The following ZNF214 variants were observed in gnomAD, a reference collection of about 807,000 sequenced individuals.
The protein encoded by ZNF214 is BWSCR2-associated zinc finger protein 1.
In ZNF214, 43 loss-of-function variants were observed where a neutral mutation model predicts 53.9. The ratio of observed to expected loss-of-function variants is 0.80; its 90% confidence interval spans 0.63 to 1.03. ZNF214 has a LOEUF of 1.03. ZNF214 is among the 50% of genes least tolerant of loss of function. The pLI is 0.00. For synonymous variants in ZNF214, 217 were observed against 229.5 expected (o/e 0.95, Z 0.49); for missense variants, 724 against 719.1 (o/e 1.01, Z -0.08).
At position 6,999,984 on chromosome 11, in the gene ZNF214, A is replaced by G; in HGVS notation, c.1699T>C (p.Ser567Pro). 6.2e-7 allele frequency: 1 copy of G among 1,613,322 alleles called. No homozygotes were observed. Residue 567 changes from serine (S) to proline (P), a missense_variant, in exon 3 of 3, where the codon TCA becomes CCA. Ser to Pro is a moderately conservative substitution (Grantham distance 74). Coordinates refer to ENST00000278314, the MANE Select transcript of ZNF214 (RefSeq NM_013249.4). ...AKCGKGFSHS[S>P]ALRIHQRVHA... Reference sequence around the variant, plus strand: ...ACTCTTTGATGAATTCGAAGAGCTGAGCTATGACTGAAACCTTTACCACAC... The same window carrying G: ...ACTCTTTGATGAATTCGAAGAGCTGGGCTATGACTGAAACCTTTACCACAC...
rs2252765 is a variant in ZNF214 at position 6,999,689 on chromosome 11, T to A, written c.*173A>T. 0.28 allele frequency: 169,884 copies of A among 616,424 alleles called. 24,656 individuals are homozygous for A. Among genetic ancestry groups the A allele is most frequent in the Admixed American group, 0.31 (9,202 of 29,236 alleles). 38.2% of individuals were successfully genotyped at this position (616,424 alleles called of 1,614,324 possible). ...ACACTATAATTTTAAATATATAGGG[T>A]TTTTTCTAAAGATCTCCTTTTGAAG... On this transcript the variant is annotated 3_prime_UTR_variant, in exon 3 of 3. Transcript: ENST00000278314.
chr11:7,003,177 T>C (rs759084907), intron 1 of ZNF214, among the ~76,000 whole-genome samples: 12 of 152,032 alleles, frequency 7.9e-5, no homozygotes, highest in Non-Finnish European at 1.5e-4. Context: ...CAGATAAATA[T>C]ATGTATTAAA....
In ZNF214 at chr11:7,000,855, T is replaced by C. The variant is rs1851323729; in HGVS notation, c.828A>G (p.Gly276=). ...PRNHIGKKLY[G]CDEVDGNFHQ... Reference sequence around the variant, plus strand: ...GAAAGTTACCGTCAACTTCATCACATCCGTACAGCTTCTTACCTATGTGGT... The same window carrying C: ...GAAAGTTACCGTCAACTTCATCACACCCGTACAGCTTCTTACCTATGTGGT... Residue 276 remains glycine, a synonymous_variant, in exon 3 of 3, where the codon GGA becomes GGG. Transcript: ENST00000278314. The C allele has an allele frequency of 6.2e-7, 1 of 1,612,876 alleles. No homozygotes were observed. The highest frequency in any genetic ancestry group is 8.5e-7 in the Non-Finnish European group (1 of 1,179,494).
chr11:7,007,918 C>A (rs1851512060), intron 1 of ZNF214, among the ~76,000 whole-genome samples: 1 of 151,876 alleles, frequency 6.6e-6, no homozygotes, highest in Non-Finnish European at 1.5e-5. Context: ...AATACATTAT[C>A]TAGCTACAAT....
In ZNF214 at chr11:7,000,717, T is replaced by C; in HGVS notation, c.966A>G (p.Gln322=). The change falls in exon 3 of 3, where the codon CAA becomes CAG. Residue 322 remains glutamine (Q), a synonymous_variant. Coordinates refer to ENST00000278314, the MANE Select transcript of ZNF214 (RefSeq NM_013249.4). ...AGAATTTCTCTTCTGTGTGGACTCT[T>C]TGATGATTGTGAAGACTAGAGATCT... is the stretch of plus-strand genomic sequence containing the variant. ...FSQISSLHNH[Q]RVHTEEKFYK... The C allele has an allele frequency of 6.2e-7, 1 of 1,610,030 alleles. No individual in the cohort carries two copies. Among genetic ancestry groups the C allele is most frequent in the South Asian group, 1.1e-5 (1 of 90,794 alleles).
Position 7,018,848 on chromosome 11 carries a change from A to G in ZNF214, c.-21+1225T>C, listed in dbSNP as rs149814137. Among the ~76,000 whole-genome samples the G allele has an allele frequency of 4.9e-4, 74 of 152,280 alleles. No homozygotes were observed. In the East Asian group the frequency reaches 0.01, roughly 21 times the overall value. On this transcript the variant is annotated intron_variant, in intron 1 of 2. Coordinates refer to ENST00000278314, the MANE Select transcript of ZNF214 (RefSeq NM_013249.4). ...ATCTCAGAACACCAAGAACAGCATG[A>G]ATTATACACTAGACTTGAGTGACTG...
intron 1 of ZNF214, among the ~76,000 whole-genome samples, chr11:7,011,575 T>C (rs1331270789): frequency 6.6e-6 from 1 of 152,080 alleles, no homozygotes; most frequent in Non-Finnish European, 1.5e-5. Flanking sequence ...TTAAGCTTAA[T>C]GGAGAAACTT....
At chr11:7,002,976 A>T in intron 1 of ZNF214, 121 bp from the exon 2 acceptor site, 1 of 874,942 alleles carries the variant, frequency 1.1e-6, no homozygotes, top group African/African-American at 1.8e-5. Context: ...CAAGAAAGGT[A>T]AGGAGAGGTA....
At chr11:7,015,403 C>A (rs1204001552) in intron 1 of ZNF214, among the ~76,000 whole-genome samples, 13 of 152,074 alleles carry the variant, frequency 8.5e-5, no homozygotes, top group Admixed American at 8.5e-4. Context: ...CATGGTGAAA[C>A]CTTGTCTCTA....
At position 7,001,610 on chromosome 11, in the gene ZNF214, T is replaced by C. The variant is rs1035818783; in HGVS notation, c.128-55A>G. 4.4e-5 allele frequency: 67 copies of C among 1,518,542 alleles called. 1 individual carries two copies. In the South Asian group the frequency reaches 8.6e-4, roughly 19 times the overall value. The allele number at this position is 1,518,542 out of a possible 1,614,324, so 94.1% of individuals were successfully genotyped here. On this transcript the variant is annotated intron_variant, in intron 2 of 2. Transcript: ENST00000278314. ...GAGATAAAAGCTGTGTTGAAAAATTTCCAACTATCTAAATCAATGACCTTT... is the reference window on the plus strand; with the variant it reads ...GAGATAAAAGCTGTGTTGAAAAATTCCCAACTATCTAAATCAATGACCTTT...
chr11:6,998,490 T>A lies in ZNF214; in HGVS notation c.*1372A>T, dbSNP rs1490058416. On this transcript the variant is annotated 3_prime_UTR_variant, in exon 3 of 3. Coordinates refer to ENST00000278314, the MANE Select transcript of ZNF214 (RefSeq NM_013249.4). Reference sequence around the variant, plus strand: ...TTTCCATCTCATTATCCTTTTCAGATACATTTAAGATCAGATCAAGTTTAT... The same window carrying A: ...TTTCCATCTCATTATCCTTTTCAGAAACATTTAAGATCAGATCAAGTTTAT... Among the ~76,000 whole-genome samples, 1 of 152,058 alleles carries A rather than the reference T, an allele frequency of 6.6e-6. No individual in the cohort carries two copies. Among genetic ancestry groups the A allele is most frequent in the African/African-American group, 2.4e-5 (1 of 41,432 alleles).
rs1449888432 is a variant in ZNF214, at chr11:6,999,455, T to C, written c.*407A>G. 1 of 154,776 alleles carries C rather than the reference T, an allele frequency of 6.5e-6. No homozygotes were observed. Among genetic ancestry groups the C allele is most frequent in the Non-Finnish European group, 1.4e-5 (1 of 69,786 alleles). 9.6% of individuals were successfully genotyped at this position (154,776 alleles called of 1,614,324 possible). ...GAGTTTTTAGGGGAGTTAAGAGATGTCGTTTAACAGTTGGCCAACCAGTTT... is the reference window on the plus strand; with the variant it reads ...GAGTTTTTAGGGGAGTTAAGAGATGCCGTTTAACAGTTGGCCAACCAGTTT... On this transcript the variant is annotated 3_prime_UTR_variant, in exon 3 of 3. Coordinates refer to ENST00000278314, the MANE Select transcript of ZNF214 (RefSeq NM_013249.4).
At position 7,002,695 on chromosome 11, in the gene ZNF214, C is replaced by T. The variant is rs143224245; in HGVS notation, c.127+14G>A. On this transcript the variant is annotated intron_variant, in intron 2 of 2. Coordinates refer to ENST00000278314, the MANE Select transcript of ZNF214 (RefSeq NM_013249.4). Reference sequence around the variant, plus strand: ...AGAAGAAACTCTATTCCCTATGAGACGGGATAACTTTACCTACTGACATGA... The same window carrying T: ...AGAAGAAACTCTATTCCCTATGAGATGGGATAACTTTACCTACTGACATGA... 569 of 1,579,312 alleles carry T rather than the reference C, an allele frequency of 3.6e-4. 1 individual carries two copies. The highest frequency in any genetic ancestry group is 3.9e-4 in the Non-Finnish European group (454 of 1,166,404).
intron 1 of ZNF214, among the ~76,000 whole-genome samples, chr11:7,014,578 A>C (rs1294309420): frequency 6.6e-6 from 1 of 152,218 alleles, no homozygotes; most frequent in East Asian, 1.9e-4. Context: ...GCAGGAAAAA[A>C]CAATTAAGGA....
In ZNF214 at chr11:6,997,954, A is replaced by G. The variant is rs776561934; in HGVS notation, c.*1908T>C. Among the ~76,000 whole-genome samples, 81 of 152,078 alleles carry G rather than the reference A, an allele frequency of 5.3e-4. No homozygotes were observed. The highest frequency in any genetic ancestry group is 3.9e-4 in the East Asian group (2 of 5,172). ...TTTTTTGAAGTTTTGGAAACTATCC[A>G]GACAACTGCATATCTAATTGATTTC... On this transcript the variant is annotated 3_prime_UTR_variant, in exon 3 of 3. Coordinates refer to ENST00000278314, the MANE Select transcript of ZNF214 (RefSeq NM_013249.4).
chr11:7,015,883 T>C (rs1395986946), intron 1 of ZNF214: 1 of 152,028 alleles, frequency 6.6e-6, no homozygotes, highest in African/African-American at 2.4e-5. Flanking sequence ...GACATACAAG[T>C]AGAGAAGATC....
intron 1 of ZNF214, 53 bp from the exon 2 acceptor site, chr11:7,002,908 A>G: frequency 6.8e-7 from 1 of 1,476,410 alleles, no homozygotes. Flanking sequence ...GACATTTAGC[A>G]GATAAGATAT....
In ZNF214 at chr11:7,002,830, T is replaced by G. The variant is rs2133386165; in HGVS notation, c.6A>C (p.Ala2=). M[A]VTFEDVTIIF... ...TAATAGTCACATCTTCAAATGTTAC[T>G]GCCATCTGGTCAAAGATCAGGCTTT... Residue 2 remains alanine, a synonymous_variant, in exon 2 of 3, where the codon GCA becomes GCC. Coordinates refer to ENST00000278314, the MANE Select transcript of ZNF214 (RefSeq NM_013249.4). 6.3e-7 allele frequency: 1 copy of G among 1,597,316 alleles called. No homozygotes were observed. The highest frequency in any genetic ancestry group is 2.3e-5 in the East Asian group (1 of 44,096).
chr11:7,015,079 A>C (rs1369997734), intron 1 of ZNF214, among the ~76,000 whole-genome samples: 3 of 140,880 alleles, frequency 2.1e-5, no homozygotes, highest in Non-Finnish European at 3.0e-5. Flanking sequence ...ACATATAAAT[A>C]ATAATTAGAA....
Sources: allele counts gnomAD v4.1 joint callset (sites outside exome capture counted in the v4.1 genomes callset), GRCh38; gene constraint gnomAD v4.1.1; transcripts MANE v1.5; gene names NCBI Gene and HGNC (gene_info 2026-07-23, HGNC 2026-07-21).